WDFY3: variants seen among roughly 807,000 people sequenced by gnomAD.
WDFY3 encodes WD repeat and FYVE domain-containing protein 3.
WDFY3 carries 66 observed loss-of-function variants against 409.6 expected under a neutral mutation model. That is an observed-to-expected ratio of 0.16 (90% CI 0.13 to 0.20). The LOEUF (loss-of-function observed/expected upper bound fraction) is 0.20. Ranked by LOEUF, WDFY3 falls within the 10% of genes least tolerant of loss-of-function variation. The pLI is 1.00. For synonymous variants in WDFY3, 1,521 were observed against 1,537.1 expected (o/e 0.99, Z 0.25); for missense variants, 3,031 against 4,298.1 (o/e 0.71, Z 8.24).
chr4:84,785,740 A>C (rs1218841268), intron 24 of WDFY3, among the ~76,000 whole-genome samples: 1 of 152,240 alleles, frequency 6.6e-6, no homozygotes, highest in African/African-American at 2.4e-5. Context: ...CTTAATTGCC[A>C]ATATAAATAA....
At chr4:84,790,000 T>C in intron 21 of WDFY3, 93 bp from the exon 22 acceptor site, 4 of 1,263,786 alleles carry the variant, frequency 3.2e-6, no homozygotes, top group South Asian at 1.4e-5. Context: ...GACTTTATGT[T>C]AAAACAAAAT....
intron 13 of WDFY3, 196 bp from the exon 14 acceptor site, chr4:84,810,540 T>G (rs1055017202): frequency 1.4e-5 from 7 of 502,096 alleles, no homozygotes; most frequent in Non-Finnish European, 2.4e-5. Context: ...AAGGTAATTT[T>G]AGGAAACACT....
intron 8 of WDFY3, among the ~76,000 whole-genome samples, chr4:84,830,526 T>C (rs1232723862): frequency 6.6e-6 from 1 of 152,214 alleles, no homozygotes. Flanking sequence ...TTATGATGGG[T>C]TTATTGGGAC....
intron 36 of WDFY3, chr4:84,751,236 G>A: frequency 1.9e-6 from 1 of 534,748 alleles, no homozygotes; most frequent in South Asian, 2.2e-5. Flanking sequence ...TACAGAAGAA[G>A]TTCGCCAGCT....
intron 1 of WDFY3, among the ~76,000 whole-genome samples, chr4:84,962,450 G>C (rs1236500352): frequency 1.3e-5 from 2 of 152,078 alleles, no homozygotes; most frequent in Non-Finnish European, 2.9e-5. Context: ...AACTTTAAGA[G>C]CATCAATTAA....
intron 19 of WDFY3, among the ~76,000 whole-genome samples, chr4:84,796,235 T>C (rs1749415471): frequency 6.6e-6 from 1 of 150,650 alleles, no homozygotes; most frequent in South Asian, 2.1e-4. Context: ...TAAAACTTCA[T>C]TTACAAAAAA....
In WDFY3 at chr4:84,937,231, T is replaced by C. The variant is rs531788148; in HGVS notation, c.-225-4868A>G. On this transcript the variant is annotated intron_variant, in intron 1 of 67. Coordinates refer to ENST00000295888, the MANE Select transcript of WDFY3 (RefSeq NM_014991.6). ...AAATCCAAAGGCCTATTAGTTCTCATCTTTCTTGACTTATCTGCAGCATTT... is the reference window on the plus strand; with the variant it reads ...AAATCCAAAGGCCTATTAGTTCTCACCTTTCTTGACTTATCTGCAGCATTT... Among the ~76,000 whole-genome samples, 5 of 152,272 alleles carry C rather than the reference T, an allele frequency of 3.3e-5. No homozygotes were observed. The South Asian group carries it at 1.0e-3, about 32-fold the overall frequency.
At chr4:84,888,192 A>T (rs1328992643) in intron 3 of WDFY3, among the ~76,000 whole-genome samples, 3 of 152,208 alleles carry the variant, frequency 2.0e-5, no homozygotes, top group Non-Finnish European at 4.4e-5. Flanking sequence ...TAATATTCAG[A>T]ATATTAAGGA....
chr4:84,689,758 C>A (rs796208203), intron 61 of WDFY3, among the ~76,000 whole-genome samples: 5 of 152,248 alleles, frequency 3.3e-5, no homozygotes, highest in African/African-American at 1.2e-4. Flanking sequence ...TAATAACTAC[C>A]TTGTAGAATT....
intron 27 of WDFY3, among the ~76,000 whole-genome samples, chr4:84,776,468 T>C (rs964902352): frequency 6.6e-6 from 1 of 152,086 alleles, no homozygotes; most frequent in African/African-American, 2.4e-5. Flanking sequence ...GATGTTTGTA[T>C]ATTGAGTTTT....
At position 84,809,963 on chromosome 4, in the gene WDFY3, A is replaced by T. The variant is rs779932395; in HGVS notation, c.2269T>A (p.Ser757Thr). 3.1e-6 allele frequency: 5 copies of T among 1,614,142 alleles called. No homozygotes were observed. In the South Asian group the frequency reaches 4.4e-5, roughly 14 times the overall value. Residue 757 changes from serine (S) to threonine (T), a missense_variant, in exon 14 of 68, where the codon TCA (serine) becomes ACA (threonine). This residue lies in a region of WDFY3 where 1,322 missense variants were observed against 1,697.9 expected (regional missense o/e 0.78). Coordinates refer to ENST00000295888, the MANE Select transcript of WDFY3 (RefSeq NM_014991.6). The stretch of plus-strand genomic sequence containing the variant: ...CAGTGCCGTAACGTGGGTGACACTG[A>T]TTCTATTGAGATTACATCTTCCTCT... ...LLEEDVISIE[S>T]VSPTLRHCSK...
chr4:84,948,182 T>C (rs1348206680), intron 1 of WDFY3, among the ~76,000 whole-genome samples: 1 of 152,178 alleles, frequency 6.6e-6, no homozygotes, highest in Non-Finnish European at 1.5e-5. Flanking sequence ...GAAAATAAAT[T>C]CCTAAAGGGT....
intron 3 of WDFY3, among the ~76,000 whole-genome samples, chr4:84,865,561 T>C (rs1036047840): frequency 6.6e-5 from 10 of 152,170 alleles, no homozygotes; most frequent in African/African-American, 2.2e-4. Flanking sequence ...TCTTGTTAGG[T>C]CAGTTTAGCC....
chr4:84,785,810 T>A (rs1016837726), intron 24 of WDFY3, among the ~76,000 whole-genome samples, 169 bp downstream of exon 24: 1 of 152,204 alleles, frequency 6.6e-6, no homozygotes, highest in East Asian at 1.9e-4. Context: ...AAGTTACATA[T>A]CTACATGTGT....
intron 21 of WDFY3, among the ~76,000 whole-genome samples, chr4:84,793,007 T>G (rs940457848): frequency 3.3e-5 from 5 of 152,118 alleles, no homozygotes; most frequent in Non-Finnish European, 1.5e-5. Context: ...ATTAAACAAG[T>G]GCTATGGAAG....
Position 84,965,648 on chromosome 4 carries a change from T to G in WDFY3, c.-226+561A>C, listed in dbSNP as rs545998449. 5.3e-5 allele frequency: 8 copies of G among 152,348 alleles called. 1 individual carries two copies. The East Asian group carries it at 1.6e-3, about 30-fold the overall frequency. 9.4% of individuals were successfully genotyped at this position (152,348 alleles called of 1,614,324 possible). A position where few individuals can be genotyped will look rare whatever the true frequency, so the allele number is the denominator to read the frequency against. On this transcript the variant is annotated intron_variant, in intron 1 of 67. Coordinates refer to ENST00000295888, the MANE Select transcript of WDFY3 (RefSeq NM_014991.6). ...GAGAACTGGAGCATCTCTGGCTCCT[T>G]CCATAATCGAAGGGCTTCCAGCGTA...
intron 29 of WDFY3, 129 bp downstream of exon 29, chr4:84,774,690 AT>A (rs952218431): frequency 1.0e-6 from 1 of 981,188 alleles, no homozygotes; most frequent in Non-Finnish European, 1.5e-6. Flanking sequence ...CGTCATAAAT[AT>A]TTTGAATCGT....
chr4:84,790,989 A>T (rs934372030), intron 21 of WDFY3, among the ~76,000 whole-genome samples: 2 of 152,190 alleles, frequency 1.3e-5, no homozygotes, highest in Non-Finnish European at 2.9e-5. Flanking sequence ...GAGAAACTGG[A>T]ACCCTTGCGC....
intron 3 of WDFY3, among the ~76,000 whole-genome samples, chr4:84,896,255 A>T (rs1765621993): frequency 6.6e-6 from 1 of 152,062 alleles, no homozygotes; most frequent in Non-Finnish European, 1.5e-5. Context: ...ACTACATCTC[A>T]AAAAATAAAG....
Sources: allele counts gnomAD v4.1 joint callset (sites outside exome capture counted in the v4.1 genomes callset), GRCh38; gene constraint gnomAD v4.1.1; regional missense constraint gnomAD v4.1.1; transcripts MANE v1.5; gene names NCBI Gene and HGNC (gene_info 2026-07-23, HGNC 2026-07-21).